Variants in PHF24 observed in about 807,000 individuals in gnomAD.
The protein encoded by PHF24 is Galpha inhibitory interacting protein.
PHF24 carries 25 observed loss-of-function variants against 42.6 expected under a neutral mutation model. That is an observed-to-expected ratio of 0.59 (90% CI 0.43 to 0.82). The LOEUF (loss-of-function observed/expected upper bound fraction) is 0.82, where lower values mean the gene tolerates loss of function less well. PHF24 is among the 40% of genes least tolerant of loss of function. PHF24 has a pLI of 0.00. For missense variants in PHF24, 470 were observed against 538.1 expected, an observed-to-expected ratio of 0.87 and a Z score of 1.25; for synonymous variants, 185 against 204.8, an observed-to-expected ratio of 0.90 and a Z score of 0.83.
chr9:34,820,722 A>T, the PHF24 span, among the ~76,000 whole-genome samples: 12 of 152,196 alleles, frequency 7.9e-5, no homozygotes, highest in East Asian at 2.1e-3. Context: ...TTATGGTAGG[A>T]TGATTTATAT....
chr9:34,950,643 A>C, the PHF24 span, among the ~76,000 whole-genome samples: 1 of 152,298 alleles, frequency 6.6e-6, no homozygotes, highest in Non-Finnish European at 1.5e-5. Flanking sequence ...CTGTGAATGT[A>C]TTAAAAACCA....
At chr9:34,709,132 C>G in the PHF24 span, 1 of 572,726 alleles carries the variant, frequency 1.7e-6, no homozygotes, top group East Asian at 2.9e-5. Context: ...AGGGGACAGT[C>G]CTGCTGCCTC....
the PHF24 span, among the ~76,000 whole-genome samples, chr9:34,940,454 C>T: frequency 3.3e-5 from 5 of 151,832 alleles, no homozygotes; most frequent in Non-Finnish European, 7.4e-5. Context: ...TGTTTCTTTC[C>T]TCTTTCTTTA....
the PHF24 span, among the ~76,000 whole-genome samples, chr9:34,936,708 C>T: frequency 6.7e-6 from 1 of 148,220 alleles, no homozygotes; most frequent in Middle Eastern, 3.5e-3. Flanking sequence ...GTGGGGAGCG[C>T]CTCTGCCCCA....
At chr9:34,701,913 G>T in the PHF24 span, among the ~76,000 whole-genome samples, 1 of 152,170 alleles carries the variant, frequency 6.6e-6, no homozygotes, top group African/African-American at 2.4e-5. This position sits in a 1 kb window ranked among gnomAD's most constrained non-coding sequence, Gnocchi z 5.8. Context: ...GCCCAATGTT[G>T]AAGTCTTGAA....
chr9:34,808,576 G>A, the PHF24 span, among the ~76,000 whole-genome samples: 6 of 152,102 alleles, frequency 3.9e-5, no homozygotes, highest in African/African-American at 1.4e-4. Flanking sequence ...TTACAGTTCT[G>A]GAGGCTGGGA....
the PHF24 span, among the ~76,000 whole-genome samples, chr9:34,784,634 A>G: frequency 6.6e-6 from 1 of 152,318 alleles, no homozygotes; most frequent in East Asian, 1.9e-4. Flanking sequence ...AACTTATCTG[A>G]CGATTTCCAC....
At chr9:34,858,873 T>C in the PHF24 span, among the ~76,000 whole-genome samples, 1 of 152,224 alleles carries the variant, frequency 6.6e-6, no homozygotes, top group Non-Finnish European at 1.5e-5. Flanking sequence ...TGACTTGTTG[T>C]TGTTGTTTGT....
the PHF24 span, among the ~76,000 whole-genome samples, chr9:34,944,806 T>A: frequency 1.3e-5 from 2 of 151,362 alleles, no homozygotes; most frequent in African/African-American, 4.9e-5. Flanking sequence ...AGTCCAGGAG[T>A]TTGAGACTAC....
the PHF24 span, among the ~76,000 whole-genome samples, chr9:34,774,928 C>A: frequency 1.3e-5 from 2 of 152,042 alleles, no homozygotes; most frequent in Admixed American, 1.3e-4. Flanking sequence ...TGAGGATGTG[C>A]AGAAATTGGA....
At chr9:34,853,895 ATCTG>A in the PHF24 span, among the ~76,000 whole-genome samples, 2 of 151,642 alleles carry the variant, frequency 1.3e-5, no homozygotes, top group Non-Finnish European at 2.9e-5. Context: ...TCAGCTGTAA[ATCTG>A]TCTGGTCCTG....
the PHF24 span, among the ~76,000 whole-genome samples, chr9:34,752,904 TATATC>T: frequency 2.0e-5 from 3 of 152,170 alleles, no homozygotes; most frequent in African/African-American, 7.2e-5. Flanking sequence ...ATCAATGTGA[TATATC>T]ATATCAACAG....
chr9:34,702,834 G>A, the PHF24 span, among the ~76,000 whole-genome samples: 1 of 152,014 alleles, frequency 6.6e-6, no homozygotes, highest in African/African-American at 2.4e-5. Flanking sequence ...AAATATAGGC[G>A]TTAGAAAAAA....
the PHF24 span, among the ~76,000 whole-genome samples, chr9:34,905,405 A>G: frequency 6.6e-6 from 1 of 152,252 alleles, no homozygotes; most frequent in Non-Finnish European, 1.5e-5. Context: ...GTTGAATAAA[A>G]CACTGTAGGG....
the PHF24 span, among the ~76,000 whole-genome samples, chr9:34,685,702 G>A: frequency 3.9e-5 from 6 of 152,162 alleles, no homozygotes; most frequent in Non-Finnish European, 2.9e-5. Flanking sequence ...TGGTACTAAT[G>A]ATACCTCATG....
the PHF24 span, among the ~76,000 whole-genome samples, chr9:34,766,000 C>A: frequency 6.6e-6 from 1 of 151,958 alleles, no homozygotes; most frequent in East Asian, 1.9e-4. Context: ...GTTGAAAATT[C>A]TTTTCTTTAA....
the PHF24 span, chr9:34,690,427 T>TGG: frequency 2.5e-6 from 1 of 397,546 alleles, no homozygotes; most frequent in Non-Finnish European, 4.3e-6. Context: ...AGGACACCTG[T>TGG]GTGTGTGTGT....
chr9:34,923,049 G>GTTTT, the PHF24 span: 4 of 386,378 alleles, frequency 1.0e-5, no homozygotes, highest in South Asian at 1.0e-4. Context: ...TTTTGTTTTT[G>GTTTT]TTTTTTTTTT....
the PHF24 span, among the ~76,000 whole-genome samples, chr9:34,684,597 C>T: frequency 6.6e-6 from 1 of 152,186 alleles, no homozygotes; most frequent in Non-Finnish European, 1.5e-5. Flanking sequence ...GGCATTGGGA[C>T]ATCCTATCAG....
Sources: gnomAD v4.1 joint callset for allele counts (sites outside exome capture counted in the v4.1 genomes callset) on GRCh38, gnomAD v4.1.1 for gene constraint, Gnocchi (gnomAD v3.1) non-coding constraint, MANE v1.5 for transcripts, NCBI Gene and HGNC (gene_info 2026-07-23, HGNC 2026-07-21) for gene names.